Variants in PLEKHA8 observed in about 807,000 individuals in gnomAD.
PLEKHA8 encodes pleckstrin homology domain-containing family A member 8.
Under a neutral mutation model 68.2 loss-of-function variants are expected in PLEKHA8, and 36 were observed. The ratio of observed to expected loss-of-function variants is 0.53; its 90% confidence interval spans 0.40 to 0.70. The LOEUF is 0.70. Ranked by LOEUF, PLEKHA8 falls within the 30% of genes least tolerant of loss-of-function variation. PLEKHA8 has a pLI of 0.00. For synonymous variants in PLEKHA8, 211 were observed against 216.1 expected (o/e 0.98, Z 0.20); for missense variants, 505 against 615.4 (o/e 0.82, Z 1.90).
Position 30,084,195 on chromosome 7 carries a change from A to G in PLEKHA8, c.*5408A>G. On this transcript the variant is annotated 3_prime_UTR_variant, in exon 14 of 14. Transcript: ENST00000449726. ...AAGAAACATGATAGACCAGATGCCAAAGGCTAAAATGTACATAGATTTCCT... is the reference window on the plus strand; with the variant it reads ...AAGAAACATGATAGACCAGATGCCAGAGGCTAAAATGTACATAGATTTCCT... The G allele has an allele frequency of 1.0e-6, 1 of 985,340 alleles. No homozygotes were observed. Among genetic ancestry groups the G allele is most frequent in the Non-Finnish European group, 1.2e-6 (1 of 829,820 alleles). The allele number at this position is 985,340 out of a possible 1,614,324, so 61.0% of individuals were successfully genotyped here. A position where few individuals can be genotyped will look rare whatever the true frequency, so the allele number is the denominator to read the frequency against.
chr7:30,089,146 A>C (rs1795296673), downstream of PLEKHA8, among the ~76,000 whole-genome samples: 1 of 152,222 alleles, frequency 6.6e-6, no homozygotes, highest in South Asian at 2.1e-4. Context: ...AAGCCTCTAT[A>C]CACAGCTCCT....
chr7:30,115,909 T>C (rs868272978), intron 13 of PLEKHA8: 35 of 135,070 alleles, frequency 2.6e-4, no homozygotes, highest in African/African-American at 8.3e-4. Flanking sequence ...CATGTATACA[T>C]GCATGCGTGC....
intron 12 of PLEKHA8, among the ~76,000 whole-genome samples, chr7:30,064,577 G>A (rs1451458721): frequency 6.6e-6 from 1 of 151,992 alleles, no homozygotes; most frequent in African/African-American, 2.4e-5. Context: ...AAAAAACAAT[G>A]CTCAGTCGTC....
intron 13 of PLEKHA8, among the ~76,000 whole-genome samples, chr7:30,112,872 T>C (rs1266533401): frequency 6.6e-6 from 1 of 151,754 alleles, no homozygotes; most frequent in African/African-American, 2.4e-5. Flanking sequence ...TGCACTCCAG[T>C]TGGGGCAACA....
chr7:30,100,403 T>C (rs549981655), intron 13 of PLEKHA8, among the ~76,000 whole-genome samples: 1 of 151,886 alleles, frequency 6.6e-6, no homozygotes. Context: ...TTACAAAAAA[T>C]TAGCCAGGTA....
Position 30,079,646 on chromosome 7 carries a change from C to A in PLEKHA8, c.*859C>A. The stretch of plus-strand genomic sequence containing the variant: ...TGTTCACAGTCACATAGTTTTTAAG[C>A]AGAGGAGCCAGATAATTTCCAAGTG... On this transcript the variant is annotated 3_prime_UTR_variant, in exon 14 of 14. Coordinates refer to ENST00000449726, the MANE Select transcript of PLEKHA8 (RefSeq NM_001197026.2). 1 of 556,824 alleles carries A rather than the reference C, an allele frequency of 1.8e-6. No homozygotes were observed. The highest frequency in any genetic ancestry group is 2.3e-6 in the Non-Finnish European group (1 of 438,462). The allele number at this position is 556,824 out of a possible 1,614,324, so 34.5% of individuals were successfully genotyped here.
intron 13 of PLEKHA8, among the ~76,000 whole-genome samples, chr7:30,126,580 T>C (rs1796775355): frequency 6.6e-6 from 1 of 152,226 alleles, no homozygotes; most frequent in Admixed American, 6.5e-5. Flanking sequence ...TAAAATTTAG[T>C]AGACTACTTT....
At chr7:30,034,783 ATTTTC>A (rs1258658432) in intron 1 of PLEKHA8, among the ~76,000 whole-genome samples, 5 of 151,672 alleles carry the variant, frequency 3.3e-5, no homozygotes, top group Non-Finnish European at 7.4e-5. Context: ...GATCAACTGT[ATTTTC>A]TTTTCTGTAG....
chr7:30,103,183 C>T (rs1164814056), intron 13 of PLEKHA8, among the ~76,000 whole-genome samples: 1 of 152,076 alleles, frequency 6.6e-6, no homozygotes, highest in Non-Finnish European at 1.5e-5. Context: ...TGTTCCAGAA[C>T]AAAAATGTTC....
At chr7:30,054,099 C>T (rs1792632339) in intron 7 of PLEKHA8, among the ~76,000 whole-genome samples, 1 of 152,112 alleles carries the variant, frequency 6.6e-6, no homozygotes, top group South Asian at 2.1e-4. Flanking sequence ...CCCTTTTAAA[C>T]AGCAAAAACA....
chr7:30,127,624 A>G (rs1224146204), intron 13 of PLEKHA8, among the ~76,000 whole-genome samples: 2 of 152,206 alleles, frequency 1.3e-5, no homozygotes, highest in African/African-American at 4.8e-5. Context: ...ATGGAAAACT[A>G]TGCCTTGTTT....
intron 13 of PLEKHA8, among the ~76,000 whole-genome samples, chr7:30,097,888 G>A (rs889869962): frequency 9.2e-5 from 14 of 152,232 alleles, no homozygotes; most frequent in Non-Finnish European, 1.3e-4. Flanking sequence ...TTCCTTTGGA[G>A]GAGGAGAGGC....
chr7:30,087,590 G>C (rs912030515), downstream of PLEKHA8, among the ~76,000 whole-genome samples: 1 of 152,142 alleles, frequency 6.6e-6, no homozygotes, highest in Non-Finnish European at 1.5e-5. Flanking sequence ...TACCTGCTGT[G>C]TCAGCAAGGC....
chr7:30,074,255 T>C (rs1332166560), intron 13 of PLEKHA8, 123 bp downstream of exon 13: 25 of 649,564 alleles, frequency 3.8e-5, no homozygotes, highest in Non-Finnish European at 6.2e-5. Context: ...GTTGTGTGTG[T>C]GTGTGTGTGT....
intron 1 of PLEKHA8, among the ~76,000 whole-genome samples, chr7:30,029,408 G>A (rs929723205): frequency 6.6e-6 from 1 of 152,128 alleles, no homozygotes; most frequent in Admixed American, 6.5e-5. Flanking sequence ...AGAAATTACC[G>A]TTAAATGAAT....
At chr7:30,037,466 G>A (rs948541341) in intron 1 of PLEKHA8, among the ~76,000 whole-genome samples, 3 of 152,074 alleles carry the variant, frequency 2.0e-5, no homozygotes, top group African/African-American at 7.2e-5. Context: ...ATCAGATTCT[G>A]GGAAAGATGG....
chr7:30,108,083 A>AAAACAAAAAAAAAC (rs1554281880), intron 13 of PLEKHA8, among the ~76,000 whole-genome samples: 6 of 144,460 alleles, frequency 4.2e-5, no homozygotes, highest in Non-Finnish European at 9.2e-5. Context: ...AAAAAAAAAA[A>AAAACAAAAAAAAAC]AAAAAAAAAC....
rs1242428026 is a variant in PLEKHA8 at position 30,115,779 on chromosome 7, C to CATGT, written c.1363-13485_1363-13484insGTAT. On this transcript the variant is annotated intron_variant, in intron 13 of 13. Transcript: ENST00000396257. Reference sequence around the variant, plus strand: ...ACATACATGTATACACGTATGCATGCATACATACGTGCACATACATGTATA... The same window carrying CATGT: ...ACATACATGTATACACGTATGCATGCATGTATACATACGTGCACATACATGTATA... The CATGT allele has an allele frequency of 1.5e-5, 2 of 130,372 alleles. 1 individual carries two copies. Among genetic ancestry groups the CATGT allele is most frequent in the Non-Finnish European group, 3.3e-5 (2 of 61,522 alleles). 8.1% of individuals were successfully genotyped at this position (130,372 alleles called of 1,614,324 possible).
intron 13 of PLEKHA8, among the ~76,000 whole-genome samples, chr7:30,110,970 T>A (rs1796255186): frequency 6.6e-6 from 1 of 151,822 alleles, no homozygotes; most frequent in Non-Finnish European, 1.5e-5. Flanking sequence ...AGTGGCGCGA[T>A]CTTGGCGCAC....
Sources: gnomAD v4.1 joint callset for allele counts (sites outside exome capture counted in the v4.1 genomes callset) on GRCh38, gnomAD v4.1.1 for gene constraint, MANE v1.5 for transcripts, NCBI Gene and HGNC (gene_info 2026-07-23, HGNC 2026-07-21) for gene names.